The following YTHDC2 variants were observed in gnomAD, a reference collection of about 807,000 sequenced individuals.
YTHDC2 encodes the protein 3'-5' RNA helicase YTHDC2.
In YTHDC2, 45 loss-of-function variants were observed where a neutral mutation model predicts 174.9. The ratio of observed to expected loss-of-function variants is 0.26; its 90% CI spans 0.20 to 0.33. YTHDC2 has a LOEUF of 0.33. Among genes scored for constraint, YTHDC2 ranks in the 10% least tolerant of loss-of-function variants. YTHDC2 has a pLI of 1.00. For synonymous variants in YTHDC2, 657 were observed against 574.5 expected (o/e 1.14, Z -2.05); for missense variants, 1,650 against 1,723.7 (o/e 0.96, Z 0.76).
At chr5:113,559,091 C>T (rs934329744) in intron 17 of YTHDC2, among the ~76,000 whole-genome samples, 1 of 151,974 alleles carries the variant, frequency 6.6e-6, no homozygotes, top group Non-Finnish European at 1.5e-5. Context: ...GCTAAGGGTT[C>T]AATCTCAGAG....
rs200526128 is a variant in YTHDC2, at chr5:113,563,891, G to T, written c.2475G>T (p.Leu825=). ...ATGCAATGGATACATGGGAAGATCT[G>T]ACTGAACTTGGGTATCATTTGGCTG... ...TIDAMDTWED[L]TELGYHLADL... Residue 825 remains leucine (L), a synonymous_variant, in exon 20 of 30, where the codon CTG becomes CTT. Coordinates refer to ENST00000161863, the MANE Select transcript of YTHDC2 (RefSeq NM_022828.5). 7 of 1,614,146 alleles carry T rather than the reference G, an allele frequency of 4.3e-6. No homozygotes were observed. Among genetic ancestry groups the T allele is most frequent in the Non-Finnish European group, 5.9e-6 (7 of 1,180,010 alleles).
chr5:113,590,914 C>G (rs1303074835), intron 26 of YTHDC2, 127 bp from the exon 27 acceptor site: 1 of 752,782 alleles, frequency 1.3e-6, no homozygotes, highest in Non-Finnish European at 2.1e-6. Flanking sequence ...CATGATAGAG[C>G]TATTTGCATT....
At chr5:113,538,832 A>T (rs1164829658) in intron 7 of YTHDC2, among the ~76,000 whole-genome samples, 1 of 152,136 alleles carries the variant, frequency 6.6e-6, no homozygotes, top group African/African-American at 2.4e-5. Context: ...AATGATATTG[A>T]TGCCAGACAC....
At chr5:113,589,406 AAAATAT>A (rs1443304555) in intron 26 of YTHDC2, among the ~76,000 whole-genome samples, 10 of 111,152 alleles carry the variant, frequency 9.0e-5, no homozygotes, top group African/African-American at 4.0e-4. Flanking sequence ...AAAAAAAAAA[AAAATAT>A]ATATATATAT....
chr5:113,558,112 G>A (rs1043895274), intron 17 of YTHDC2, among the ~76,000 whole-genome samples: 16 of 152,318 alleles, frequency 1.1e-4, no homozygotes, highest in African/African-American at 3.6e-4. Flanking sequence ...AAGGCAGAGG[G>A]AAAGTATAAC....
chr5:113,588,631 AT>A (rs1001762512), intron 26 of YTHDC2, among the ~76,000 whole-genome samples: 23 of 138,398 alleles, frequency 1.7e-4, no homozygotes, highest in Non-Finnish European at 2.5e-4. Context: ...TATTTATATT[AT>A]TTTTTTTTGA....
chr5:113,592,484 A>G (rs1027806853), intron 28 of YTHDC2: 11 of 198,986 alleles, frequency 5.5e-5, no homozygotes, highest in Non-Finnish European at 8.1e-5. Context: ...CTTTGTCTTC[A>G]TGATGCTATT....
chr5:113,516,405 T>A (rs970928873), intron 2 of YTHDC2, among the ~76,000 whole-genome samples: 1 of 152,218 alleles, frequency 6.6e-6, no homozygotes, highest in Non-Finnish European at 1.5e-5. Flanking sequence ...ATTTGAGCCA[T>A]CCAAATTGAA....
At chr5:113,591,615 A>T (rs1239754403) in intron 27 of YTHDC2, among the ~76,000 whole-genome samples, 1 of 152,104 alleles carries the variant, frequency 6.6e-6, no homozygotes, top group African/African-American at 2.4e-5. Context: ...CCCATCACCC[A>T]TCTTGACTTA....
intron 1 of YTHDC2, among the ~76,000 whole-genome samples, chr5:113,514,753 TA>T (rs929251706): frequency 1.3e-5 from 2 of 151,968 alleles, no homozygotes; most frequent in Non-Finnish European, 2.9e-5. Flanking sequence ...AAATTCACAT[TA>T]AAAAAAGAGA....
At position 113,534,342 on chromosome 5, in the gene YTHDC2, G is replaced by A; in HGVS notation, c.880G>A (p.Gly294Arg). 6.2e-7 allele frequency: 1 copy of A among 1,612,672 alleles called. No homozygotes were observed. Among genetic ancestry groups the A allele is most frequent in the Non-Finnish European group, 8.5e-7 (1 of 1,179,136 alleles). The change falls in exon 6 of 30, where the codon GGG (glycine) becomes AGG (arginine). Residue 294 changes from glycine (G) to arginine (R), a missense_variant. Gly to Arg is a moderately radical substitution (Grantham distance 125). Transcript: ENST00000161863. ...GACACTTCTGACATTTTGTACTAAT[G>A]GGGTATTGCTTCGTACATTGATGGC... ...PKTLLTFCTN[G>R]VLLRTLMAGD...
chr5:113,588,140 C>T (rs904744539), intron 26 of YTHDC2, among the ~76,000 whole-genome samples: 2 of 151,854 alleles, frequency 1.3e-5, no homozygotes, highest in African/African-American at 4.8e-5. Flanking sequence ...CTTTTTATGC[C>T]TTCTGATAAT....
intron 2 of YTHDC2, among the ~76,000 whole-genome samples, chr5:113,524,568 G>C (rs925403060): frequency 1.3e-5 from 2 of 152,056 alleles, no homozygotes; most frequent in Non-Finnish European, 2.9e-5. Context: ...CATTCACTGG[G>C]ACATATTAGT....
Position 113,515,284 on chromosome 5 carries a change from C to A in YTHDC2, c.200C>A (p.Pro67His). 6.2e-7 allele frequency: 1 copy of A among 1,601,586 alleles called. No individual in the cohort carries two copies. Among genetic ancestry groups the A allele is most frequent in the Non-Finnish European group, 8.5e-7 (1 of 1,175,762 alleles). Residue 67 changes from proline to histidine, a missense_variant, in exon 2 of 30, where the codon CCT becomes CAT. Around this residue, in one of 5 missense-constraint regions of YTHDC2, gnomAD observed 304 missense variants for 341.4 expected, o/e 0.89. Transcript: ENST00000161863. ...TTTTTCCGTGTAGAAATGGAATTTCCTTCTTCTTTGACCAGTACTGAAAGA... is the reference window on the plus strand; with the variant it reads ...TTTTTCCGTGTAGAAATGGAATTTCATTCTTCTTTGACCAGTACTGAAAGA... ...RYGDQREMEF[P>H]SSLTSTERAF...
At chr5:113,538,095 T>C (rs1775207195) in intron 7 of YTHDC2, among the ~76,000 whole-genome samples, 1 of 152,220 alleles carries the variant, frequency 6.6e-6, no homozygotes, top group Admixed American at 6.5e-5. Context: ...CACTTTATTT[T>C]TTTTCCATAT....
At chr5:113,563,148 C>A (rs1253892367) in intron 18 of YTHDC2, among the ~76,000 whole-genome samples, 1 of 151,566 alleles carries the variant, frequency 6.6e-6, no homozygotes, top group Non-Finnish European at 1.5e-5. Flanking sequence ...GGAGCAATGG[C>A]AATCTTGGTA....
At chr5:113,575,311 T>A (rs894558815) in intron 23 of YTHDC2, among the ~76,000 whole-genome samples, 5 of 152,226 alleles carry the variant, frequency 3.3e-5, no homozygotes, top group African/African-American at 1.2e-4. Flanking sequence ...GGTACTGTGC[T>A]AGACATTGAA....
At chr5:113,535,415 C>T (rs1440077909) in intron 6 of YTHDC2, among the ~76,000 whole-genome samples, 1 of 152,018 alleles carries the variant, frequency 6.6e-6, no homozygotes, top group Non-Finnish European at 1.5e-5. Flanking sequence ...GCCCTGGAAC[C>T]ATTCACCCAC....
chr5:113,573,150 C>A (rs1777838373), intron 23 of YTHDC2, among the ~76,000 whole-genome samples: 1 of 152,122 alleles, frequency 6.6e-6, no homozygotes, highest in Non-Finnish European at 1.5e-5. Context: ...GGAGCTCTTG[C>A]AAGGCAGGCC....
Sources: gnomAD v4.1 joint callset for allele counts (sites outside exome capture counted in the v4.1 genomes callset) on GRCh38, gnomAD v4.1.1 for gene constraint, gnomAD v4.1.1 regional missense constraint, MANE v1.5 for transcripts, NCBI Gene and HGNC (gene_info 2026-07-23, HGNC 2026-07-21) for gene names.